The following CNOT4 variants were observed in gnomAD, a reference collection of about 807,000 sequenced individuals.
CNOT4 encodes CCR4-NOT transcription complex subunit 4, also known as CCR4-associated factor 4.
Under a neutral mutation model 73.8 loss-of-function variants are expected in CNOT4, and 8 were observed. The observed-to-expected ratio is 0.11, with a 90% CI of 0.06 to 0.20. The LOEUF (loss-of-function observed/expected upper bound fraction) is 0.20. Ranked by LOEUF, CNOT4 falls within the 10% of genes least tolerant of loss-of-function variation. The pLI, the probability that CNOT4 is intolerant of heterozygous loss-of-function variation, is 1.00. For synonymous variants in CNOT4, 293 were observed against 321.1 expected (o/e 0.91, Z 0.94); for missense variants, 564 against 883.4 (o/e 0.64, Z 4.58).
chr7:135,380,762 T>C (rs774720262), intron 10 of CNOT4, among the ~76,000 whole-genome samples: 1 of 152,224 alleles, frequency 6.6e-6, no homozygotes, highest in Non-Finnish European at 1.5e-5. Flanking sequence ...CAAATTGTTG[T>C]TAGAATGTGA....
At chr7:135,473,646 C>A (rs1009536156) in intron 1 of CNOT4, among the ~76,000 whole-genome samples, 1 of 152,000 alleles carries the variant, frequency 6.6e-6, no homozygotes, top group African/African-American at 2.4e-5. Flanking sequence ...ACTTGGGAGG[C>A]TAAGGTGAGA....
chr7:135,377,941 T>C (rs1404156348), intron 10 of CNOT4, among the ~76,000 whole-genome samples: 5 of 152,210 alleles, frequency 3.3e-5, no homozygotes, highest in African/African-American at 4.8e-5. Context: ...ATGCTAGTGC[T>C]GTATACTGAA....
intron 1 of CNOT4, among the ~76,000 whole-genome samples, chr7:135,471,042 C>A (rs1801545314): frequency 1.3e-5 from 2 of 152,180 alleles, no homozygotes; most frequent in Admixed American, 1.3e-4. Context: ...GTCTGCAGAA[C>A]CCTTACAGTT....
chr7:135,409,566 GTTA>G (rs1481841754), intron 7 of CNOT4, among the ~76,000 whole-genome samples: 1 of 151,904 alleles, frequency 6.6e-6, no homozygotes, highest in African/African-American at 2.4e-5. Context: ...AATCCATGTA[GTTA>G]TTATTAGCTA....
At chr7:135,388,947 T>C in intron 10 of CNOT4, 2 of 1,564,252 alleles carry the variant, frequency 1.3e-6, no homozygotes, top group Non-Finnish European at 1.7e-6. Flanking sequence ...TTGTTAACAG[T>C]CCCTTTAAAA....
At chr7:135,445,459 A>G (rs1799768441) in intron 1 of CNOT4, among the ~76,000 whole-genome samples, 1 of 152,198 alleles carries the variant, frequency 6.6e-6, no homozygotes, top group Non-Finnish European at 1.5e-5. Flanking sequence ...AAGTGCTGAT[A>G]TCTCACATTA....
Position 135,426,373 on chromosome 7 carries a change from C to T in CNOT4, c.175-4020G>A, listed in dbSNP as rs192211144. Among the ~76,000 whole-genome samples, 898 of 152,052 alleles carry T rather than the reference C, an allele frequency of 5.9e-3. 6 individuals carry two copies. The highest frequency in any genetic ancestry group is 0.021 in the African/African-American group (854 of 41,480). On this transcript the variant is annotated intron_variant, in intron 2 of 11. Coordinates refer to ENST00000541284, the MANE Select transcript of CNOT4 (RefSeq NM_001190850.2). Reference sequence around the variant, plus strand: ...ATCCCAGCACTTTGGGAGGCCAAGGCGGGCGGACCACAAGGTCAGGAAATC... The same window carrying T: ...ATCCCAGCACTTTGGGAGGCCAAGGTGGGCGGACCACAAGGTCAGGAAATC...
chr7:135,407,640 C>T (rs998617474), intron 7 of CNOT4, among the ~76,000 whole-genome samples: 1 of 152,020 alleles, frequency 6.6e-6, no homozygotes, highest in African/African-American at 2.4e-5. Context: ...AAATCTTTCC[C>T]GAAAGGCACA....
At position 135,474,966 on chromosome 7, in the gene CNOT4, G is replaced by A. The variant is rs183937998; in HGVS notation, c.-93+34923C>T. On this transcript the variant is annotated intron_variant, in intron 1 of 11. Transcript: ENST00000541284. ...ACTTAAGCAAAAAATTTAAAGAAAT[G>A]TGCGCTGTTTCAACCTTGCCTAGCA... is the stretch of plus-strand genomic sequence containing the variant. 9.7e-4 allele frequency among the ~76,000 whole-genome samples: 147 copies of A among 152,162 alleles called. 1 individual carries two copies. The highest frequency in any genetic ancestry group is 3.7e-3 in the Admixed American group (56 of 15,282).
intron 1 of CNOT4, among the ~76,000 whole-genome samples, chr7:135,451,771 CTATT>C (rs538842989): frequency 3.4e-4 from 52 of 152,258 alleles, no homozygotes; most frequent in African/African-American, 1.2e-3. Flanking sequence ...TGCAAAGAGA[CTATT>C]TATGTATTTC....
intron 10 of CNOT4, among the ~76,000 whole-genome samples, chr7:135,375,941 G>A (rs1054793559): frequency 6.6e-6 from 1 of 151,516 alleles, no homozygotes; most frequent in African/African-American, 2.4e-5. Context: ...ATATACAAAA[G>A]GGGTGTGTGT....
At chr7:135,493,355 T>C (rs1453139597) in intron 1 of CNOT4, among the ~76,000 whole-genome samples, 1 of 152,158 alleles carries the variant, frequency 6.6e-6, no homozygotes, top group East Asian at 1.9e-4. Context: ...TCTCAGTGCA[T>C]AGGACTCCCC....
intron 1 of CNOT4, among the ~76,000 whole-genome samples, chr7:135,506,094 T>C (rs941065703): frequency 6.6e-6 from 1 of 152,210 alleles, no homozygotes; most frequent in Non-Finnish European, 1.5e-5. Flanking sequence ...CTTTAAAATA[T>C]TGAGGATATT....
At chr7:135,493,442 A>C (rs963351351) in intron 1 of CNOT4, among the ~76,000 whole-genome samples, 2 of 152,238 alleles carry the variant, frequency 1.3e-5, no homozygotes, top group Admixed American at 1.3e-4. Context: ...GGGAAGCAGC[A>C]TCCTCAGCAA....
intron 1 of CNOT4, among the ~76,000 whole-genome samples, chr7:135,453,412 A>T (rs1359565902): frequency 6.6e-6 from 1 of 151,986 alleles, no homozygotes; most frequent in East Asian, 1.9e-4. Flanking sequence ...TACTAATCTT[A>T]TGCTCCTTGC....
intron 6 of CNOT4, among the ~76,000 whole-genome samples, chr7:135,410,972 A>C (rs1470434937): frequency 6.6e-6 from 1 of 151,856 alleles, no homozygotes; most frequent in Non-Finnish European, 1.5e-5. Flanking sequence ...GCTAGCTCAA[A>C]AAGTGTAAGG....
chr7:135,396,913 AAT>A (rs1796726511), intron 8 of CNOT4, among the ~76,000 whole-genome samples: 2 of 152,252 alleles, frequency 1.3e-5, no homozygotes, highest in South Asian at 4.1e-4. Context: ...ATGAATTTTC[AAT>A]ATAATTTTAC....
chr7:135,488,286 T>C (rs1802873684), intron 1 of CNOT4, among the ~76,000 whole-genome samples: 1 of 152,190 alleles, frequency 6.6e-6, no homozygotes, highest in Admixed American at 6.5e-5. Flanking sequence ...CTCAGCCTCC[T>C]GAGTGGTACG....
chr7:135,369,756 A>T (rs1462498958), intron 10 of CNOT4, among the ~76,000 whole-genome samples: 1 of 152,196 alleles, frequency 6.6e-6, no homozygotes, highest in Non-Finnish European at 1.5e-5. Context: ...CCTCCCTCTT[A>T]TAAGTGATCT....
Sources: gnomAD v4.1 joint callset for allele counts (sites outside exome capture counted in the v4.1 genomes callset) on GRCh38, gnomAD v4.1.1 for gene constraint, MANE v1.5 for transcripts, NCBI Gene and HGNC (gene_info 2026-07-23, HGNC 2026-07-21) for gene names.